Variants in CNOT10 observed in about 807,000 individuals in gnomAD.
The protein encoded by CNOT10 is CCR4-NOT transcription complex, subunit 10.
Under a neutral mutation model 94.6 loss-of-function variants are expected in CNOT10, and 30 were observed. That is an observed-to-expected ratio of 0.32 (90% CI 0.24 to 0.43). CNOT10 has a LOEUF of 0.43. Ranked by LOEUF, CNOT10 falls within the 20% of genes least tolerant of loss-of-function variation. CNOT10 has a pLI of 1.00. For synonymous variants in CNOT10, 289 were observed against 301.6 expected (o/e 0.96, Z 0.43); for missense variants, 759 against 877.2 (o/e 0.87, Z 1.70).
chr3:32,772,121 C>T (rs1204996283), intron 18 of CNOT10, among the ~76,000 whole-genome samples: 6 of 152,056 alleles, frequency 3.9e-5, no homozygotes, highest in African/African-American at 7.2e-5. Context: ...GAGGCCGAGG[C>T]GGGCAGATCA....
intron 7 of CNOT10, 110 bp from the exon 8 acceptor site, chr3:32,720,004 C>A: frequency 2.0e-6 from 1 of 507,160 alleles, no homozygotes; most frequent in Non-Finnish European, 3.5e-6. Flanking sequence ...TTGTGACTGA[C>A]TTAATTGATT....
At chr3:32,692,191 G>C (rs1406211597) in intron 1 of CNOT10, among the ~76,000 whole-genome samples, 1 of 152,040 alleles carries the variant, frequency 6.6e-6, no homozygotes, top group African/African-American at 2.4e-5. Flanking sequence ...GTAAAACCCT[G>C]TCTCTACAAA....
intron 3 of CNOT10, among the ~76,000 whole-genome samples, chr3:32,707,569 C>T (rs750083009): frequency 1.3e-5 from 2 of 151,994 alleles, no homozygotes; most frequent in East Asian, 1.9e-4. Context: ...TTTGGGAGGC[C>T]GAGGTGGGCA....
chr3:32,685,384 C>T lies in CNOT10; in HGVS notation c.-77C>T, dbSNP rs1174057194. Reference sequence around the variant, plus strand: ...TAGGCACAGAGTTGTCCTCGGAGGTCCAGGACAGCGGCCAGCCCGGCGGCG... The same window carrying T: ...TAGGCACAGAGTTGTCCTCGGAGGTTCAGGACAGCGGCCAGCCCGGCGGCG... On this transcript the variant is annotated 5_prime_UTR_variant, in exon 1 of 19. Transcript: ENST00000328834. 2 of 1,524,944 alleles carry T rather than the reference C, an allele frequency of 1.3e-6. No individual in the cohort carries two copies. The highest frequency in any genetic ancestry group is 1.8e-6 in the Non-Finnish European group (2 of 1,124,292). The allele number at this position is 1,524,944 out of a possible 1,614,324, so 94.5% of individuals were successfully genotyped here. A position where few individuals can be genotyped will look rare whatever the true frequency, so the allele number is the denominator to read the frequency against.
intron 17 of CNOT10, 181 bp from the exon 18 acceptor site, chr3:32,769,706 A>G (rs952465450): frequency 1.8e-6 from 1 of 564,294 alleles, no homozygotes; most frequent in Admixed American, 2.9e-5. Context: ...GTCTAGCTTA[A>G]TTGTTAGGTT....
At chr3:32,752,803 C>T (rs1325767845) in intron 13 of CNOT10, 1 of 215,170 alleles carries the variant, frequency 4.6e-6, no homozygotes, top group Non-Finnish European at 9.2e-6. Context: ...TGGAGAAACC[C>T]CTTCTCTACT....
intron 13 of CNOT10, 61 bp from the exon 14 acceptor site, chr3:32,759,397 A>G (rs1050259395): frequency 8.4e-7 from 1 of 1,192,750 alleles, no homozygotes; most frequent in African/African-American, 1.5e-5. Flanking sequence ...CCTATTTAGC[A>G]AATATAACCA....
At chr3:32,688,456 G>A (rs889398012) in intron 1 of CNOT10, among the ~76,000 whole-genome samples, 3 of 151,998 alleles carry the variant, frequency 2.0e-5, no homozygotes, top group African/African-American at 2.4e-5. Flanking sequence ...AATTAGCCAG[G>A]CATGCTGGCG....
At position 32,734,910 on chromosome 3, in the gene CNOT10, A is replaced by G. The variant is rs747714684; in HGVS notation, c.1448A>G (p.Asn483Ser). Residue 483 changes from asparagine to serine, a missense_variant, in exon 12 of 19, where the codon AAT becomes AGT. Asn to Ser is a conservative substitution (Grantham distance 46). Transcript: ENST00000328834. Reference sequence around the variant, plus strand: ...GAACAGCAAGATCCAAAGCAGGAAAATGGGGCTAAAAATAGTAATCAATTA... The same window carrying G: ...GAACAGCAAGATCCAAAGCAGGAAAGTGGGGCTAAAAATAGTAATCAATTA... Reference protein sequence around the residue: ...PEEQQDPKQENGAKNSNQLGG... With the variant: ...PEEQQDPKQESGAKNSNQLGG... 17 of 1,614,024 alleles carry G rather than the reference A, an allele frequency of 1.1e-5. No individual in the cohort carries two copies. The highest frequency in any genetic ancestry group is 1.4e-5 in the Non-Finnish European group (16 of 1,180,008).
intron 1 of CNOT10, among the ~76,000 whole-genome samples, chr3:32,695,291 G>A (rs1246205850): frequency 4.6e-5 from 7 of 152,192 alleles, no homozygotes; most frequent in East Asian, 3.9e-4. Context: ...TGACATTAGT[G>A]GGCCTGAATT....
chr3:32,726,805 C>T (rs902427203), intron 9 of CNOT10, among the ~76,000 whole-genome samples: 9 of 147,030 alleles, frequency 6.1e-5, no homozygotes, highest in African/African-American at 2.3e-4. Flanking sequence ...TTGTCATGAA[C>T]ACATGACAAT....
chr3:32,752,334 C>T (rs1057353086), intron 13 of CNOT10, among the ~76,000 whole-genome samples: 2 of 152,132 alleles, frequency 1.3e-5, no homozygotes, highest in Admixed American at 1.3e-4. Context: ...CTGTGGAAAC[C>T]CCACAGGGCC....
At chr3:32,761,036 C>T (rs1293147964) in intron 14 of CNOT10, among the ~76,000 whole-genome samples, 2 of 151,248 alleles carry the variant, frequency 1.3e-5, no homozygotes, top group East Asian at 2.0e-4. Context: ...GGCTGAGGCA[C>T]GAGAATTGCT....
At position 32,733,191 on chromosome 3, in the gene CNOT10, C is replaced by T. The variant is rs72850475; in HGVS notation, c.1216-232C>T. On this transcript the variant is annotated intron_variant, in intron 10 of 18. Transcript: ENST00000328834. ...GGACATAATTGAATTGGATTTTGTT[C>T]GTAGAATTTTCTCCAATCTCATGTA... 8.7e-3 allele frequency among the ~76,000 whole-genome samples: 1,328 copies of T among 152,096 alleles called. 13 individuals carry two copies. Among genetic ancestry groups the T allele is most frequent in the Non-Finnish European group, 0.013 (890 of 67,966 alleles).
chr3:32,699,091 CTGGTTCTTTG>C (rs1697214590), intron 1 of CNOT10, among the ~76,000 whole-genome samples: 1 of 152,164 alleles, frequency 6.6e-6, no homozygotes. Flanking sequence ...TGGCCAACAA[CTGGTTCTTTG>C]AGATGCTCCT....
chr3:32,769,802 G>T, intron 17 of CNOT10, 85 bp from the exon 18 acceptor site: 2 of 1,050,882 alleles, frequency 1.9e-6, no homozygotes, highest in South Asian at 2.5e-5. Context: ...GAATAAGTTT[G>T]TTACCTTGTT....
intron 9 of CNOT10, 43 bp from the exon 10 acceptor site, chr3:32,727,625 C>T: frequency 8.0e-7 from 1 of 1,253,730 alleles, no homozygotes; most frequent in East Asian, 2.3e-5. Flanking sequence ...GTTACTATTA[C>T]TGTAAATCTA....
intron 17 of CNOT10, 112 bp from the exon 18 acceptor site, chr3:32,769,775 C>A: frequency 1.3e-6 from 1 of 796,804 alleles, no homozygotes; most frequent in Non-Finnish European, 2.2e-6. Flanking sequence ...CCTAGGAAGT[C>A]ACGTGGGAAT....
intron 18 of CNOT10, among the ~76,000 whole-genome samples, chr3:32,772,329 A>G (rs1211899291): frequency 6.6e-6 from 1 of 151,860 alleles, no homozygotes; most frequent in Non-Finnish European, 1.5e-5. Context: ...AGTCTGAACG[A>G]CAGAGCGAGA....
Sources: gnomAD v4.1 joint callset for allele counts (sites outside exome capture counted in the v4.1 genomes callset) on GRCh38, gnomAD v4.1.1 for gene constraint, MANE v1.5 for transcripts, NCBI Gene and HGNC (gene_info 2026-07-23, HGNC 2026-07-21) for gene names.